DHRS7: variants seen among roughly 807,000 people sequenced by gnomAD.
DHRS7 encodes the protein dehydrogenase/reductase 7, also known as dehydrogenase/reductase SDR family member 7.
DHRS7 carries 34 observed loss-of-function variants against 38.9 expected under a neutral mutation model. The ratio of observed to expected loss-of-function variants is 0.87; its 90% confidence interval spans 0.66 to 1.16. The LOEUF (loss-of-function observed/expected upper bound fraction) is 1.16. DHRS7 is among the 50% of genes most tolerant of loss of function. The pLI, the probability that DHRS7 is intolerant of heterozygous loss-of-function variation, is 0.00. For synonymous variants in DHRS7, 158 were observed against 153.1 expected (o/e 1.03, Z -0.24); for missense variants, 421 against 407.0 (o/e 1.03, Z -0.30).
intron 1 of DHRS7, among the ~76,000 whole-genome samples, chr14:60,159,762 A>G (rs1461454492): frequency 6.6e-6 from 1 of 152,004 alleles, no homozygotes; most frequent in African/African-American, 2.4e-5. Context: ...CTTCCTTCCT[A>G]TCTCCCCTCC....
rs530370419 is a variant in DHRS7 at position 60,150,059 on chromosome 14, T to G, written c.756+6A>C. On this transcript the variant is annotated splice_donor_region_variant and intron_variant, in intron 5 of 6. Coordinates refer to ENST00000557185, the MANE Select transcript of DHRS7 (RefSeq NM_016029.4). ...ATTCAAATTATTCCCAACTAGAAAT[T>G]TTTACCTTTGTGACTTCTCCAGCTA... 2 of 1,594,184 alleles carry G rather than the reference T, an allele frequency of 1.3e-6. No individual in the cohort carries two copies. The highest frequency in any genetic ancestry group is 1.2e-5 in the South Asian group (1 of 86,728).
chr14:60,149,573 GA>G lies in DHRS7; in HGVS notation c.757-6del. On this transcript the variant is annotated splice_polypyrimidine_tract_variant and splice_region_variant and intron_variant, in intron 5 of 6. Coordinates refer to ENST00000557185, the MANE Select transcript of DHRS7 (RefSeq NM_016029.4). ...GTCTCCATTATTGCCTATAGTCTAA[GA>G]AAAGTTAAAAATTAAGTGAATTTAT... The G allele has an allele frequency of 6.3e-7, 1 of 1,581,870 alleles. No individual in the cohort carries two copies.
Position 60,153,866 on chromosome 14 carries a change from T to A in DHRS7, c.393+93A>T. The A allele has an allele frequency of 9.0e-7, 1 of 1,112,360 alleles. No individual in the cohort carries two copies. Among genetic ancestry groups the A allele is most frequent in the Non-Finnish European group, 1.4e-6 (1 of 736,046 alleles). 68.9% of individuals were successfully genotyped at this position (1,112,360 alleles called of 1,614,324 possible). On this transcript the variant is annotated intron_variant, in intron 3 of 6. Coordinates refer to ENST00000557185, the MANE Select transcript of DHRS7 (RefSeq NM_016029.4). This position sits in a 1 kb window ranked among gnomAD's most constrained non-coding sequence, Gnocchi z 4.4. The stretch of plus-strand genomic sequence containing the variant: ...CCGATCTCACTGCATGGACCCCACT[T>A]GCCTAAAGCCCTTTGTATGACAGCA...
chr14:60,165,152 G>C lies in DHRS7; in HGVS notation c.133+25C>G. 1 of 1,610,454 alleles carries C rather than the reference G, an allele frequency of 6.2e-7. No homozygotes were observed. The highest frequency in any genetic ancestry group is 2.2e-5 in the East Asian group (1 of 44,780). On this transcript the variant is annotated intron_variant, in intron 1 of 6. Transcript: ENST00000557185. This position sits in a 1 kb window ranked among gnomAD's most constrained non-coding sequence, Gnocchi z 4.6. ...CAGCTCCGAGCCCGGCCTCCCACTCGGGAGAGGCTTTGGCCGGTCCTCACC... is the reference window on the plus strand; with the variant it reads ...CAGCTCCGAGCCCGGCCTCCCACTCCGGAGAGGCTTTGGCCGGTCCTCACC...
In DHRS7 at chr14:60,150,194, G is replaced by GGA. The variant is rs376945245; in HGVS notation, c.634-8_634-7insTC. On this transcript the variant is annotated splice_polypyrimidine_tract_variant and splice_region_variant and intron_variant, in intron 4 of 6. Coordinates refer to ENST00000557185, the MANE Select transcript of DHRS7 (RefSeq NM_016029.4). ...GAAGGCCATTAAAAAAACCCTAACAGACAAAAAAAAAAAAAAAGGAAAAAG... is the reference window on the plus strand; with the variant it reads ...GAAGGCCATTAAAAAAACCCTAACAGGAACAAAAAAAAAAAAAAAGGAAAAAG... 3.0e-5 allele frequency: 34 copies of GGA among 1,120,966 alleles called. No individual in the cohort carries two copies. The South Asian group carries it at 3.7e-4, about 12-fold the overall frequency. 69.4% of individuals were successfully genotyped at this position (1,120,966 alleles called of 1,614,324 possible). A position where few individuals can be genotyped will look rare whatever the true frequency, so the allele number is the denominator to read the frequency against.
intron 1 of DHRS7, among the ~76,000 whole-genome samples, chr14:60,160,546 A>C (rs1378794274): frequency 5.3e-5 from 8 of 151,000 alleles, no homozygotes; most frequent in African/African-American, 1.9e-4. Context: ...TTTGGGAAAT[A>C]TATGAGAGTA....
At chr14:60,159,049 G>C in intron 1 of DHRS7, 1 of 460,296 alleles carries the variant, frequency 2.2e-6, no homozygotes, top group East Asian at 6.7e-5. Flanking sequence ...CAAGGATTTT[G>C]TATCCAAGGC....
At chr14:60,160,254 AGGAG>A (rs1896737462) in intron 1 of DHRS7, among the ~76,000 whole-genome samples, 1 of 151,378 alleles carries the variant, frequency 6.6e-6, no homozygotes, top group Non-Finnish European at 1.5e-5. Context: ...TTGAACCTCT[AGGAG>A]GTGGGGTTTG....
chr14:60,165,442 G>A, upstream of DHRS7: 1 of 1,375,246 alleles, frequency 7.3e-7, no homozygotes, highest in Non-Finnish European at 9.3e-7. The surrounding 1 kb of genome is among the most constrained non-coding windows in gnomAD (Gnocchi z 4.6). Flanking sequence ...CCAGGGAGCA[G>A]GCCGGGAGGA....
intron 2 of DHRS7, 47 bp downstream of exon 2, chr14:60,155,953 A>G: frequency 2.1e-6 from 3 of 1,436,696 alleles, no homozygotes; most frequent in East Asian, 2.6e-5. Flanking sequence ...TTGAGTTTGG[A>G]CTGATTTATT....
upstream of DHRS7, among the ~76,000 whole-genome samples, chr14:60,166,619 C>A (rs905864168): frequency 6.8e-6 from 1 of 147,760 alleles, no homozygotes. Flanking sequence ...CTTTTTAAAT[C>A]CTATTATAAA....
At chr14:60,166,218 C>G, upstream of DHRS7, 1 of 985,358 alleles carries the variant, frequency 1.0e-6, no homozygotes, top group Non-Finnish European at 1.2e-6. Flanking sequence ...TTTGAGGCAT[C>G]AATAGTAGCA....
chr14:60,155,454 GA>G (rs1256534449), intron 2 of DHRS7, among the ~76,000 whole-genome samples: 1 of 151,864 alleles, frequency 6.6e-6, no homozygotes, highest in Non-Finnish European at 1.5e-5. Context: ...ATCTCAAAAA[GA>G]AAAAAGTAAA....
At chr14:60,165,702 G>A, upstream of DHRS7, 4 of 993,714 alleles carry the variant, frequency 4.0e-6, no homozygotes, top group Non-Finnish European at 4.8e-6. This position sits in a 1 kb window ranked among gnomAD's most constrained non-coding sequence, Gnocchi z 4.6. Context: ...TCTGTACAGG[G>A]ACACTATCAA....
intron 1 of DHRS7, among the ~76,000 whole-genome samples, chr14:60,157,831 C>A (rs191257874): frequency 2.0e-4 from 31 of 152,304 alleles, no homozygotes; most frequent in Admixed American, 2.0e-3. Context: ...ACACTGTCCA[C>A]TATTTCATGA....
chr14:60,168,803 A>G, upstream of DHRS7: 1 of 1,527,306 alleles, frequency 6.5e-7, no homozygotes, highest in African/African-American at 1.4e-5. Context: ...ATTGGCTTGC[A>G]AACATGCTGA....
At chr14:60,159,391 T>G (rs1896718563) in intron 1 of DHRS7, 1 of 278,520 alleles carries the variant, frequency 3.6e-6, no homozygotes, top group African/African-American at 2.4e-5. Flanking sequence ...GTTGGACAGA[T>G]TTCAAAAGTG....
chr14:60,149,371 C>A lies in DHRS7; in HGVS notation c.954G>T (p.Glu318Asp), dbSNP rs774475443. 2 of 1,614,160 alleles carry A rather than the reference C, an allele frequency of 1.2e-6. No individual in the cohort carries two copies. Among genetic ancestry groups the A allele is most frequent in the Non-Finnish European group, 8.5e-7 (1 of 1,180,008 alleles). The change falls in exon 6 of 7, where the codon GAG (glutamate) becomes GAT (aspartate). Residue 318 changes from glutamate (E) to aspartate (D), a missense_variant. Transcript: ENST00000557185. The part of the protein sequence containing the change: ...ITNKMGKKRI[E>D]NFKSGVDADS... ...GTCTTACCACACCACTCTTAAAGTT[C>A]TCAATCCTTTTCTTCCCCATCTTGT...
intron 4 of DHRS7, among the ~76,000 whole-genome samples, chr14:60,152,087 C>G (rs1896557843): frequency 6.6e-6 from 1 of 152,200 alleles, no homozygotes; most frequent in Non-Finnish European, 1.5e-5. Flanking sequence ...TCCTAAAGAA[C>G]CAAAGCTTCA....
Sources: gnomAD v4.1 joint callset for allele counts (sites outside exome capture counted in the v4.1 genomes callset) on GRCh38, gnomAD v4.1.1 for gene constraint, Gnocchi (gnomAD v3.1) non-coding constraint, MANE v1.5 for transcripts, NCBI Gene and HGNC (gene_info 2026-07-23, HGNC 2026-07-21) for gene names.